Variants in GRIN2D observed in about 807,000 individuals in gnomAD.
The protein encoded by GRIN2D is glutamate receptor ionotropic, NMDA 2D.
A neutral mutation model predicts 103.2 loss-of-function variants in GRIN2D; 37 were observed. The observed-to-expected ratio is 0.36, with a 90% confidence interval of 0.28 to 0.47. The LOEUF (loss-of-function observed/expected upper bound fraction) is 0.47. Ranked by LOEUF, GRIN2D falls within the 20% of genes least tolerant of loss-of-function variation. The pLI is 1.00. For synonymous variants in GRIN2D, 845 were observed against 885.6 expected, an observed-to-expected ratio of 0.95 and a Z score of 0.81; for missense variants, 1,557 against 1,910.6, an observed-to-expected ratio of 0.81 and a Z score of 3.45.
rs1213322146 is a variant in GRIN2D at position 48,405,292 on chromosome 19, C to T, written c.1024C>T (p.Pro342Ser). The T allele has an allele frequency of 6.2e-7, 1 of 1,601,610 alleles. No individual in the cohort carries two copies. The highest frequency in any genetic ancestry group is 1.7e-5 in the Admixed American group (1 of 59,554). Residue 342 changes from proline (P) to serine (S), a missense_variant, in exon 4 of 14, where the codon CCT becomes TCT. Coordinates refer to ENST00000263269, the MANE Select transcript of GRIN2D (RefSeq NM_000836.4). The surrounding 1 kb of genome is among the most constrained non-coding windows in gnomAD (Gnocchi z 5.1). ...QALLRDYGFL[P>S]ELGHDCRAQN... ...CCTGCTGCGTGATTATGGTTTCCTT[C>T]CTGAGCTCGGCCACGACTGTCGCGC...
rs1221666564 is a variant in GRIN2D at position 48,405,164 on chromosome 19, C to A, written c.896C>A (p.Pro299His). ...GEPPLLPGGAPLPAGLFAVRS... is the reference protein window; with the variant it reads ...GEPPLLPGGAHLPAGLFAVRS... ...CCCCCTCTTCTGCCAGGAGGCGCCC[C>A]CCTGCCTGCCGGGCTGTTTGCAGTG... The change falls in exon 4 of 14, where the codon CCC becomes CAC. Residue 299 changes from proline to histidine, a missense_variant. By Grantham distance (77) the Pro-to-His change is moderately conservative (BLOSUM62 -2). Transcript: ENST00000263269. This position sits in a 1 kb window ranked among gnomAD's most constrained non-coding sequence, Gnocchi z 5.1. 2 of 1,584,300 alleles carry A rather than the reference C, an allele frequency of 1.3e-6. No individual in the cohort carries two copies. The highest frequency in any genetic ancestry group is 1.7e-6 in the Non-Finnish European group (2 of 1,167,254).
At chr19:48,429,187 T>A (rs1569069368) in intron 11 of GRIN2D, among the ~76,000 whole-genome samples, 1 of 152,170 alleles carries the variant, frequency 6.6e-6, no homozygotes, top group Non-Finnish European at 1.5e-5. Context: ...GAGTTCTCCA[T>A]CCACATAGTT....
At chr19:48,408,195 G>C (rs751296570) in intron 4 of GRIN2D, among the ~76,000 whole-genome samples, 20 of 152,040 alleles carry the variant, frequency 1.3e-4, no homozygotes, top group African/African-American at 4.3e-4. Flanking sequence ...TTAGCCAGGC[G>C]TGGTGGCGGG....
intron 3 of GRIN2D, among the ~76,000 whole-genome samples, chr19:48,403,340 G>T (rs1444749562): frequency 6.6e-6 from 1 of 152,048 alleles, no homozygotes; most frequent in Non-Finnish European, 1.5e-5. Context: ...CTGTTCTATA[G>T]CTGCTCTGTC....
In GRIN2D at chr19:48,421,462, G is replaced by A. The variant is rs966861851; in HGVS notation, c.2092-323G>A. ...AAAGTGAACTATTTCTGAACGGATT[G>A]GTAAATAGCAACAGCTCCCAGCTCC... is the stretch of plus-strand genomic sequence containing the variant. On this transcript the variant is annotated intron_variant, in intron 10 of 13. Coordinates refer to ENST00000263269, the MANE Select transcript of GRIN2D (RefSeq NM_000836.4). The surrounding 1 kb of genome is among the most constrained non-coding windows in gnomAD (Gnocchi z 4.8). 6.6e-6 allele frequency among the ~76,000 whole-genome samples: 1 copy of A among 151,818 alleles called. No homozygotes were observed. Among genetic ancestry groups the A allele is most frequent in the African/African-American group, 2.4e-5 (1 of 41,274 alleles).
Position 48,442,411 on chromosome 19 carries a change from G to A in GRIN2D, c.2673+29G>A. On this transcript the variant is annotated intron_variant, in intron 13 of 13. Transcript: ENST00000263269. This position sits in a 1 kb window ranked among gnomAD's most constrained non-coding sequence, Gnocchi z 7.2. ...TGGGGCAGAGAGGGAGGCAGAGAGG[G>A]GGAGATGGCAGGGGCGGGGACAAAG... 1.3e-6 allele frequency: 2 copies of A among 1,588,912 alleles called. No individual in the cohort carries two copies. The highest frequency in any genetic ancestry group is 2.7e-5 in the African/African-American group (2 of 74,718).
At chr19:48,409,347 T>C (rs1296369252) in intron 4 of GRIN2D, among the ~76,000 whole-genome samples, 3 of 149,602 alleles carry the variant, frequency 2.0e-5, no homozygotes, top group African/African-American at 7.5e-5. Context: ...GATGTGATCT[T>C]GGCTCATTGC....
intron 11 of GRIN2D, among the ~76,000 whole-genome samples, chr19:48,423,635 G>C (rs970099288): frequency 1.3e-5 from 2 of 152,090 alleles, no homozygotes; most frequent in Non-Finnish European, 2.9e-5. Context: ...AAGGTGCAGT[G>C]TTGGTTTACT....
chr19:48,407,393 C>T (rs1253527434), intron 4 of GRIN2D, among the ~76,000 whole-genome samples: 2 of 152,120 alleles, frequency 1.3e-5, no homozygotes, highest in Non-Finnish European at 2.9e-5. Flanking sequence ...CAGTTCTTTA[C>T]CCAGAATTTC....
intron 11 of GRIN2D, among the ~76,000 whole-genome samples, chr19:48,434,916 C>G (rs1971210942): frequency 6.6e-6 from 1 of 152,002 alleles, no homozygotes; most frequent in African/African-American, 2.4e-5. Context: ...TTGTTCATTG[C>G]TAGTATATAG....
intron 11 of GRIN2D, among the ~76,000 whole-genome samples, chr19:48,429,728 T>TGC (rs1952236150): frequency 6.6e-6 from 1 of 151,636 alleles, no homozygotes; most frequent in Non-Finnish European, 1.5e-5. Flanking sequence ...TGTGTGTGTG[T>TGC]GTGTGTGTGT....
intron 2 of GRIN2D, among the ~76,000 whole-genome samples, chr19:48,395,582 G>A (rs762036445): frequency 2.6e-5 from 4 of 152,184 alleles, no homozygotes; most frequent in Non-Finnish European, 4.4e-5. Flanking sequence ...GTTGATCGAA[G>A]TGGCCGCTCC....
chr19:48,434,558 C>T (rs1371269251), intron 11 of GRIN2D, among the ~76,000 whole-genome samples: 3 of 151,694 alleles, frequency 2.0e-5, no homozygotes, highest in Non-Finnish European at 4.4e-5. Flanking sequence ...ATGCCTGGCC[C>T]ACTTCTTTTC....
intron 4 of GRIN2D, among the ~76,000 whole-genome samples, chr19:48,411,731 A>G (rs2147447735): frequency 6.6e-6 from 1 of 152,206 alleles, no homozygotes; most frequent in East Asian, 1.9e-4. Context: ...AGAGAACAGC[A>G]TCTGCAAAGT....
rs1970760564 is a variant in GRIN2D at position 48,404,666 on chromosome 19, C to T, written c.466-68C>T. ...TCTGCCATATTGGGAGCTGTGGTCCCCTTATTCATTGCTGAGAAATAAGGT... is the reference window on the plus strand; with the variant it reads ...TCTGCCATATTGGGAGCTGTGGTCCTCTTATTCATTGCTGAGAAATAAGGT... On this transcript the variant is annotated intron_variant, in intron 3 of 13. Coordinates refer to ENST00000263269, the MANE Select transcript of GRIN2D (RefSeq NM_000836.4). 4.1e-6 allele frequency: 6 copies of T among 1,464,204 alleles called. No individual in the cohort carries two copies. The South Asian group carries it at 8.0e-5, about 19-fold the overall frequency. The allele number at this position is 1,464,204 out of a possible 1,614,324, so 90.7% of individuals were successfully genotyped here.
intron 9 of GRIN2D, 64 bp from the exon 10 acceptor site, chr19:48,419,521 T>C: frequency 1.4e-6 from 2 of 1,439,494 alleles, no homozygotes; most frequent in South Asian, 2.4e-5. Flanking sequence ...CTTTCTTTTT[T>C]TTTTTTTCCC....
Position 48,419,785 on chromosome 19 carries a change from G to C in GRIN2D, c.2062G>C (p.Asp688His). 1 of 1,613,642 alleles carries C rather than the reference G, an allele frequency of 6.2e-7. No individual in the cohort carries two copies. The highest frequency in any genetic ancestry group is 2.2e-5 in the East Asian group (1 of 44,830). Reference protein sequence around the residue: ...AAFMIQEEYVDTVSGLSDRKF... With the variant: ...AAFMIQEEYVHTVSGLSDRKF... Reference sequence around the variant, plus strand: ...CTTCATGATCCAGGAGGAGTACGTGGATACTGTGTCTGGGCTCAGTGACCG... The same window carrying C: ...CTTCATGATCCAGGAGGAGTACGTGCATACTGTGTCTGGGCTCAGTGACCG... Residue 688 changes from aspartate to histidine, a missense_variant, in exon 10 of 14, where the codon GAT becomes CAT. Physicochemically the swap from Asp to His is moderately conservative, Grantham distance 81 (BLOSUM62 -1). Transcript: ENST00000263269.
chr19:48,405,120 C>G lies in GRIN2D; in HGVS notation c.852C>G (p.Gly284=). Reference sequence around the variant, plus strand: ...GGCCCCAGCTGGCTGGAGGCGGGGGCTCTGGGGCCCCTGGTGAGCCCCCTC... The same window carrying G: ...GGCCCCAGCTGGCTGGAGGCGGGGGGTCTGGGGCCCCTGGTGAGCCCCCTC... ...MVGPQLAGGG[G]SGAPGEPPLL... is the part of the protein sequence containing the mutation. The change falls in exon 4 of 14, where the codon GGC becomes GGG. Residue 284 remains glycine, a synonymous_variant. Coordinates refer to ENST00000263269, the MANE Select transcript of GRIN2D (RefSeq NM_000836.4). This position sits in a 1 kb window ranked among gnomAD's most constrained non-coding sequence, Gnocchi z 5.1. 1 of 1,580,860 alleles carries G rather than the reference C, an allele frequency of 6.3e-7. No homozygotes were observed. The highest frequency in any genetic ancestry group is 8.6e-7 in the Non-Finnish European group (1 of 1,164,186).
At position 48,443,629 on chromosome 19, in the gene GRIN2D, C is replaced by T; in HGVS notation, c.3703C>T (p.Arg1235Cys). 7.4e-6 allele frequency: 8 copies of T among 1,077,526 alleles called. No homozygotes were observed. Among genetic ancestry groups the T allele is most frequent in the Non-Finnish European group, 8.9e-6 (8 of 894,660 alleles). The allele number at this position is 1,077,526 out of a possible 1,614,324, so 66.7% of individuals were successfully genotyped here. A position where few individuals can be genotyped will look rare whatever the true frequency, so the allele number is the denominator to read the frequency against. ...CGGGTGCCCGCGGTCGCACCCGCAC[C>T]GCCCGCGGGCCTCGCACCGCACGCC... ...RCGCPRSHPH[R>C]PRASHRTPAA... Residue 1235 changes from arginine (R) to cysteine (C), a missense_variant, in exon 14 of 14, where the codon CGC (arginine) becomes TGC (cysteine). This residue lies in a region of GRIN2D where 632 missense variants were observed against 572.8 expected (regional missense o/e 1.10). Coordinates refer to ENST00000263269, the MANE Select transcript of GRIN2D (RefSeq NM_000836.4). This position sits in a 1 kb window ranked among gnomAD's most constrained non-coding sequence, Gnocchi z 8.9.
Sources: gnomAD v4.1 joint callset for allele counts (sites outside exome capture counted in the v4.1 genomes callset) on GRCh38, gnomAD v4.1.1 for gene constraint, gnomAD v4.1.1 regional missense constraint, Gnocchi (gnomAD v3.1) non-coding constraint, MANE v1.5 for transcripts, NCBI Gene and HGNC (gene_info 2026-07-23, HGNC 2026-07-21) for gene names.